The following PPP3CA variants were observed in gnomAD, a reference collection of about 807,000 sequenced individuals.
PPP3CA encodes the protein CAM-PRP catalytic subunit.
Under a neutral mutation model 66.5 loss-of-function variants are expected in PPP3CA, and 14 were observed. The observed-to-expected ratio is 0.21, with a 90% CI of 0.14 to 0.33. The LOEUF (loss-of-function observed/expected upper bound fraction) is 0.33, where lower values mean the gene tolerates loss of function less well. Ranked by LOEUF, PPP3CA falls within the 10% of genes least tolerant of loss-of-function variation. PPP3CA has a pLI of 1.00. For synonymous variants in PPP3CA, 232 were observed against 226.2 expected, an observed-to-expected ratio of 1.03 and a Z score of -0.23; for missense variants, 317 against 639.5, an observed-to-expected ratio of 0.50 and a Z score of 5.44.
At chr4:101,343,199 A>G (rs1316291726) in intron 1 of PPP3CA, among the ~76,000 whole-genome samples, 2 of 152,204 alleles carry the variant, frequency 1.3e-5, no homozygotes, top group East Asian at 3.8e-4. Context: ...GTCCCATCAC[A>G]AAATACTTGG....
intron 2 of PPP3CA, among the ~76,000 whole-genome samples, chr4:101,117,727 A>C (rs899360132): frequency 5.3e-5 from 8 of 151,768 alleles, no homozygotes; most frequent in African/African-American, 1.7e-4. Flanking sequence ...GACAGTATTT[A>C]ATTAAATTTG....
intron 1 of PPP3CA, among the ~76,000 whole-genome samples, chr4:101,220,619 A>C (rs1725595561): frequency 6.6e-6 from 1 of 151,776 alleles, no homozygotes; most frequent in Non-Finnish European, 1.5e-5. Flanking sequence ...TGTTTTTCTT[A>C]ATTATTCTTC....
intron 2 of PPP3CA, among the ~76,000 whole-genome samples, chr4:101,152,242 T>C (rs1313497021): frequency 1.3e-5 from 2 of 152,218 alleles, no homozygotes; most frequent in East Asian, 3.8e-4. Context: ...AATGCACTTT[T>C]AATATTTGGA....
At chr4:101,035,668 C>T (rs1228156618) in intron 11 of PPP3CA, among the ~76,000 whole-genome samples, 1 of 152,126 alleles carries the variant, frequency 6.6e-6, no homozygotes, top group Non-Finnish European at 1.5e-5. Flanking sequence ...CTTCCTTGCT[C>T]TTTTTTTCTT....
intron 1 of PPP3CA, among the ~76,000 whole-genome samples, chr4:101,276,432 A>G (rs950264485): frequency 1.3e-5 from 2 of 152,206 alleles, no homozygotes; most frequent in South Asian, 4.1e-4. Context: ...TCTGAAAATT[A>G]AACAGTTTAA....
intron 2 of PPP3CA, among the ~76,000 whole-genome samples, chr4:101,162,202 T>C (rs1723536696): frequency 6.6e-6 from 1 of 151,864 alleles, no homozygotes; most frequent in Non-Finnish European, 1.5e-5. Flanking sequence ...ATGGCGCCAC[T>C]GCACTCCAGC....
At chr4:101,119,433 T>C (rs1578465999) in intron 2 of PPP3CA, among the ~76,000 whole-genome samples, 1 of 152,026 alleles carries the variant, frequency 6.6e-6, no homozygotes, top group South Asian at 2.1e-4. Flanking sequence ...ATGGTAGTAA[T>C]GTTTCAAAAG....
intron 2 of PPP3CA, among the ~76,000 whole-genome samples, chr4:101,141,366 T>C (rs1448882911): frequency 6.6e-6 from 1 of 151,920 alleles, no homozygotes; most frequent in Admixed American, 6.6e-5. Context: ...AGAGACACTA[T>C]CTCAAAAAAA....
intron 11 of PPP3CA, among the ~76,000 whole-genome samples, chr4:101,038,464 G>T (rs1287127734): frequency 1.3e-5 from 2 of 151,800 alleles, no homozygotes; most frequent in African/African-American, 4.8e-5. Flanking sequence ...CCGCCTCCTG[G>T]GTTTGAGAGA....
intron 7 of PPP3CA, 43 bp from the exon 8 acceptor site, chr4:101,080,669 A>C (rs775287447): frequency 8.4e-7 from 1 of 1,197,186 alleles, no homozygotes; most frequent in East Asian, 2.4e-5. Flanking sequence ...TGTATGGAAA[A>C]AAGATAATAT....
intron 1 of PPP3CA, among the ~76,000 whole-genome samples, chr4:101,200,899 C>G (rs1162196343): frequency 6.6e-6 from 1 of 152,118 alleles, no homozygotes; most frequent in East Asian, 1.9e-4. Flanking sequence ...CAGCACTTTA[C>G]CCTCTATATT....
chr4:101,186,973 G>A (rs1211007659), intron 2 of PPP3CA, among the ~76,000 whole-genome samples: 2 of 152,202 alleles, frequency 1.3e-5, no homozygotes, highest in East Asian at 1.9e-4. Flanking sequence ...TGGTTGCAGC[G>A]TTTCACTCTT....
intron 1 of PPP3CA, among the ~76,000 whole-genome samples, chr4:101,309,477 G>C (rs1175825261): frequency 6.6e-6 from 1 of 152,142 alleles, no homozygotes; most frequent in Admixed American, 6.5e-5. Flanking sequence ...AAAAAGCAAA[G>C]CGGGTGGGGG....
intron 1 of PPP3CA, among the ~76,000 whole-genome samples, chr4:101,235,339 G>A (rs1726092171): frequency 6.6e-6 from 1 of 151,562 alleles, no homozygotes; most frequent in South Asian, 2.1e-4. Flanking sequence ...CACTCTTCCT[G>A]CCAACTAGTC....
At chr4:101,150,997 G>C (rs1723118746) in intron 2 of PPP3CA, among the ~76,000 whole-genome samples, 1 of 151,878 alleles carries the variant, frequency 6.6e-6, no homozygotes, top group South Asian at 2.1e-4. Context: ...AAAAGAAAAA[G>C]GTATAATCAA....
intron 2 of PPP3CA, among the ~76,000 whole-genome samples, chr4:101,123,083 TCCCATTGTGTTAGAC>T (rs1407426491): frequency 6.6e-6 from 1 of 152,306 alleles, no homozygotes. Flanking sequence ...TCTTTTAATA[TCCCATTGTGTTAGAC>T]CCCAAGAATG....
chr4:101,054,794 C>T (rs567473797), intron 10 of PPP3CA, among the ~76,000 whole-genome samples: 1 of 152,114 alleles, frequency 6.6e-6, no homozygotes, highest in South Asian at 2.1e-4. Flanking sequence ...ACTCTGATTC[C>T]ATATTCACTT....
At chr4:101,131,933 C>T (rs1242623487) in intron 2 of PPP3CA, among the ~76,000 whole-genome samples, 2 of 152,166 alleles carry the variant, frequency 1.3e-5, no homozygotes, top group Admixed American at 6.5e-5. Context: ...CAAATTAGAA[C>T]TCAGGATTAA....
At chr4:101,241,517 CATTTT>C (rs926518821) in intron 1 of PPP3CA, among the ~76,000 whole-genome samples, 3 of 151,918 alleles carry the variant, frequency 2.0e-5, no homozygotes, top group African/African-American at 7.2e-5. Flanking sequence ...TTATTCCAAT[CATTTT>C]ATTTTATATT....
Sources: gnomAD v4.1 joint callset for allele counts (sites outside exome capture counted in the v4.1 genomes callset) on GRCh38, gnomAD v4.1.1 for gene constraint, MANE v1.5 for transcripts, NCBI Gene and HGNC (gene_info 2026-07-23, HGNC 2026-07-21) for gene names.